LRCH1: variants seen among roughly 807,000 people sequenced by gnomAD.
LRCH1 encodes the protein leucine-rich repeat and calponin homology domain-containing protein 1.
LRCH1 carries 23 observed loss-of-function variants against 94.9 expected under a neutral mutation model. That is an observed-to-expected ratio of 0.24 (90% CI 0.17 to 0.34). LRCH1 has a LOEUF of 0.34. LRCH1 is among the 10% of genes least tolerant of loss of function. The probability of loss-of-function intolerance (pLI) is 1.00; values close to 1 mark genes in which losing one functional copy is unlikely to be tolerated. For synonymous variants in LRCH1, 364 were observed against 354.9 expected (o/e 1.03, Z -0.29); for missense variants, 790 against 945.9 (o/e 0.84, Z 2.16).
chr13:46,696,234 T>A lies in LRCH1; in HGVS notation c.1245+1217T>A, dbSNP rs1871180651. ...CACACACACACACACACACACACAC[T>A]CTTTATATTCTGCCACCAAACATTT... On this transcript the variant is annotated intron_variant, in intron 9 of 19. Coordinates refer to ENST00000389797, the MANE Select transcript of LRCH1 (RefSeq NM_001164211.2). Among the ~76,000 whole-genome samples, 9 of 148,472 alleles carry A rather than the reference T, an allele frequency of 6.1e-5. No individual in the cohort carries two copies. In the South Asian group the frequency reaches 1.9e-3, roughly 31 times the overall value.
chr13:46,667,206 T>C (rs951795873), intron 2 of LRCH1, among the ~76,000 whole-genome samples: 1 of 152,110 alleles, frequency 6.6e-6, no homozygotes, highest in African/African-American at 2.4e-5. Context: ...CATAGTTACA[T>C]GGGTAATTGA....
At chr13:46,574,348 A>C (rs1178603192) in intron 1 of LRCH1, among the ~76,000 whole-genome samples, 1 of 152,168 alleles carries the variant, frequency 6.6e-6, no homozygotes, top group Non-Finnish European at 1.5e-5. Context: ...GAAATTAAAA[A>C]TTAAAAAAAA....
chr13:46,577,325 T>G (rs2050315435), intron 1 of LRCH1, among the ~76,000 whole-genome samples: 1 of 152,178 alleles, frequency 6.6e-6, no homozygotes, highest in Admixed American at 6.5e-5. Context: ...CTCGAACTCC[T>G]GACCTCAAGT....
intron 2 of LRCH1, among the ~76,000 whole-genome samples, chr13:46,660,328 T>C (rs1412410454): frequency 2.0e-5 from 3 of 151,984 alleles, no homozygotes; most frequent in Non-Finnish European, 2.9e-5. Context: ...AGTCAATAAG[T>C]TTTTTTAACT....
Position 46,692,651 on chromosome 13 carries a change from TAA to T in LRCH1, c.1120+14_1120+15del. The T allele has an allele frequency of 6.2e-7, 1 of 1,602,764 alleles. No homozygotes were observed. The highest frequency in any genetic ancestry group is 8.5e-7 in the Non-Finnish European group (1 of 1,170,458). ...CTTAGCCCCGTTAAAGGTCTGAGAA[TAA>T]AAATGTGGAGAAAGTGCTTGTTTTT... On this transcript the variant is annotated intron_variant, in intron 8 of 19. Transcript: ENST00000389797.
intron 3 of LRCH1, 38 bp from the exon 4 acceptor site, chr13:46,681,703 A>G (rs1477808292): frequency 1.4e-6 from 2 of 1,381,328 alleles, no homozygotes; most frequent in Admixed American, 1.7e-5. Flanking sequence ...TTTCCTGGAA[A>G]AAGATGTTTA....
intron 1 of LRCH1, among the ~76,000 whole-genome samples, chr13:46,618,170 C>T (rs2050834415): frequency 6.6e-6 from 1 of 152,258 alleles, no homozygotes; most frequent in African/African-American, 2.4e-5. Context: ...ACCTATTGCT[C>T]CTAGTCTACA....
chr13:46,745,403 T>C (rs1873870316), downstream of LRCH1, among the ~76,000 whole-genome samples: 1 of 151,908 alleles, frequency 6.6e-6, no homozygotes, highest in Non-Finnish European at 1.5e-5. Context: ...CTGACCCTGA[T>C]GGGGAATAGG....
At chr13:46,604,818 C>G (rs888249814) in intron 1 of LRCH1, among the ~76,000 whole-genome samples, 1 of 152,210 alleles carries the variant, frequency 6.6e-6, no homozygotes, top group African/African-American at 2.4e-5. Flanking sequence ...TCATAAGGAA[C>G]AGACCATGAT....
chr13:46,559,247 A>G lies in LRCH1; in HGVS notation c.307+5544A>G, dbSNP rs2050103732. Reference sequence around the variant, plus strand: ...GTTTCCTTAAAATGTATGTTCTTTTATAGTTATATCCAGTTTTGAATTATC... The same window carrying G: ...GTTTCCTTAAAATGTATGTTCTTTTGTAGTTATATCCAGTTTTGAATTATC... On this transcript the variant is annotated intron_variant, in intron 1 of 19. Transcript: ENST00000389797. Among the ~76,000 whole-genome samples the G allele has an allele frequency of 2.6e-5, 4 of 152,340 alleles. No individual in the cohort carries two copies. In the South Asian group the frequency reaches 8.3e-4, roughly 32 times the overall value.
rs1175654756 is a variant in LRCH1, at chr13:46,712,355, G to A, written c.1582-170G>A. On this transcript the variant is annotated intron_variant, in intron 14 of 19. Transcript: ENST00000389797. ...CTAAAACAAACATTCTGTTGGTTAT[G>A]CCATTTAACATCTTTACAAAGTGAT... Among the ~76,000 whole-genome samples the A allele has an allele frequency of 3.9e-5, 6 of 152,212 alleles. No homozygotes were observed. The East Asian group carries it at 1.2e-3, about 29-fold the overall frequency.
At chr13:46,720,189 C>G (rs549275620) in intron 16 of LRCH1, among the ~76,000 whole-genome samples, 9 of 152,052 alleles carry the variant, frequency 5.9e-5, no homozygotes, top group Non-Finnish European at 1.3e-4. Flanking sequence ...AAGTTCCAGA[C>G]CAGCCTGGGC....
intron 1 of LRCH1, among the ~76,000 whole-genome samples, chr13:46,586,313 G>A (rs1026511402): frequency 7.2e-5 from 11 of 152,166 alleles, no homozygotes; most frequent in Admixed American, 7.2e-4. Context: ...TCTCACAGAG[G>A]GCCACATGTG....
At chr13:46,724,252 A>C (rs1475060743) in intron 17 of LRCH1, among the ~76,000 whole-genome samples, 1 of 152,206 alleles carries the variant, frequency 6.6e-6, no homozygotes, top group Middle Eastern at 3.2e-3. Context: ...TCTGTTGCCC[A>C]GACTAGAGTG....
chr13:46,650,177 A>C lies in LRCH1; in HGVS notation c.308-24A>C. 4 of 1,573,550 alleles carry C rather than the reference A, an allele frequency of 2.5e-6. No homozygotes were observed. In the South Asian group the frequency reaches 4.6e-5, roughly 18 times the overall value. ...TGATTTTGTTCAAATTTTGTTGAGA[A>C]AATATTCTCTCCTTTTCTTATAGAC... On this transcript the variant is annotated intron_variant, in intron 1 of 19. Coordinates refer to ENST00000389797, the MANE Select transcript of LRCH1 (RefSeq NM_001164211.2).
At chr13:46,659,295 C>T (rs1023663870) in intron 2 of LRCH1, among the ~76,000 whole-genome samples, 6 of 152,070 alleles carry the variant, frequency 3.9e-5, no homozygotes, top group Middle Eastern at 3.2e-3. Context: ...TGGGTTCAAG[C>T]GATTCTCCTG....
At chr13:46,659,465 CTG>C (rs1204135163) in intron 2 of LRCH1, among the ~76,000 whole-genome samples, 1 of 152,104 alleles carries the variant, frequency 6.6e-6, no homozygotes, top group Non-Finnish European at 1.5e-5. Context: ...AGTGCTAGGA[CTG>C]TAAGCGTGAG....
intron 1 of LRCH1, among the ~76,000 whole-genome samples, chr13:46,574,356 A>T (rs1441212669): frequency 1.3e-5 from 2 of 152,182 alleles, no homozygotes; most frequent in African/African-American, 4.8e-5. Context: ...AAATTAAAAA[A>T]AATTAACATT....
At chr13:46,630,379 C>T (rs2051003907) in intron 1 of LRCH1, among the ~76,000 whole-genome samples, 2 of 152,160 alleles carry the variant, frequency 1.3e-5, no homozygotes, top group African/African-American at 2.4e-5. Context: ...TTTATTATTA[C>T]TACTTTCTCA....
Sources: allele counts gnomAD v4.1 joint callset (sites outside exome capture counted in the v4.1 genomes callset), GRCh38; gene constraint gnomAD v4.1.1; transcripts MANE v1.5; gene names NCBI Gene and HGNC (gene_info 2026-07-23, HGNC 2026-07-21).